Variants in CHST8 observed in about 807,000 individuals in gnomAD.
CHST8 encodes carbohydrate sulfotransferase 8.
Under a neutral mutation model 15.0 loss-of-function variants are expected in CHST8, and 10 were observed. The observed-to-expected ratio is 0.67, with a 90% confidence interval of 0.41 to 1.13. CHST8 has a LOEUF of 1.13. Among genes scored for constraint, CHST8 ranks in the 50% most tolerant of loss-of-function variants. The pLI is 0.00. For synonymous variants in CHST8, 259 were observed against 256.6 expected, an observed-to-expected ratio of 1.01 and a Z score of -0.09; for missense variants, 634 against 608.2, an observed-to-expected ratio of 1.04 and a Z score of -0.45.
At position 33,773,127 on chromosome 19, in the gene CHST8, C is replaced by T; in HGVS notation, c.*64C>T. 6.7e-7 allele frequency: 1 copy of T among 1,490,148 alleles called. No homozygotes were observed. The allele number at this position is 1,490,148 out of a possible 1,614,324, so 92.3% of individuals were successfully genotyped here. The stretch of plus-strand genomic sequence containing the variant: ...ACTCACCTGTGCTCCCGGGCATCCT[C>T]CTGTCCCTGGCTCCTCATCCTGGGA... On this transcript the variant is annotated 3_prime_UTR_variant, in exon 5 of 5. Transcript: ENST00000650847.
chr19:33,666,724 A>G (rs990466425), intron 1 of CHST8, among the ~76,000 whole-genome samples: 1 of 152,068 alleles, frequency 6.6e-6, no homozygotes, highest in Admixed American at 6.5e-5. Flanking sequence ...CTTTTTTGAG[A>G]TGGAGTCTTG....
intron 3 of CHST8, among the ~76,000 whole-genome samples, chr19:33,723,892 C>G (rs1047874205): frequency 1.3e-5 from 2 of 152,194 alleles, no homozygotes; most frequent in African/African-American, 4.8e-5. Context: ...GGATCCCATG[C>G]CCCTTCTGGT....
intron 3 of CHST8, among the ~76,000 whole-genome samples, chr19:33,754,627 G>C (rs1397698503): frequency 1.3e-5 from 2 of 152,226 alleles, no homozygotes; most frequent in Non-Finnish European, 2.9e-5. Context: ...CCAGGGTGCT[G>C]TGTGGCAGCC....
chr19:33,713,594 C>T (rs1333853533), intron 3 of CHST8, among the ~76,000 whole-genome samples: 1 of 152,008 alleles, frequency 6.6e-6, no homozygotes, highest in Non-Finnish European at 1.5e-5. Context: ...GAGACAGAGT[C>T]TTGCTCTGTT....
intron 1 of CHST8, among the ~76,000 whole-genome samples, chr19:33,657,195 A>G (rs898968640): frequency 2.6e-5 from 4 of 151,756 alleles, no homozygotes; most frequent in African/African-American, 9.7e-5. Context: ...ACATACACAC[A>G]TACATATACA....
At chr19:33,634,110 A>G (rs548047298) in intron 1 of CHST8, among the ~76,000 whole-genome samples, 1 of 151,908 alleles carries the variant, frequency 6.6e-6, no homozygotes, top group African/African-American at 2.4e-5. Flanking sequence ...ATGAGCCACC[A>G]CTCCCGACTC....
At chr19:33,656,758 C>T (rs980822535) in intron 1 of CHST8, among the ~76,000 whole-genome samples, 47 of 152,060 alleles carry the variant, frequency 3.1e-4, no homozygotes, top group Non-Finnish European at 4.9e-4. Context: ...AGGCTAGTCT[C>T]GAACTCCTGG....
At chr19:33,690,742 T>G (rs1003638853) in intron 3 of CHST8, among the ~76,000 whole-genome samples, 2 of 152,180 alleles carry the variant, frequency 1.3e-5, no homozygotes, top group Non-Finnish European at 2.9e-5. Context: ...GGCTCTCCTG[T>G]GGGAGCTTTG....
intron 3 of CHST8, among the ~76,000 whole-genome samples, chr19:33,717,306 C>A (rs1334759696): frequency 6.6e-6 from 1 of 151,920 alleles, no homozygotes; most frequent in Non-Finnish European, 1.5e-5. Context: ...AATAAAAATA[C>A]AAAAATTAGC....
chr19:33,638,531 C>G (rs1264012694), intron 1 of CHST8, among the ~76,000 whole-genome samples: 1 of 152,180 alleles, frequency 6.6e-6, no homozygotes, highest in African/African-American at 2.4e-5. Flanking sequence ...TGGCCGGCCA[C>G]AGTGCACAAC....
At chr19:33,705,359 T>C (rs981606016) in intron 3 of CHST8, among the ~76,000 whole-genome samples, 2 of 152,200 alleles carry the variant, frequency 1.3e-5, no homozygotes, top group Non-Finnish European at 2.9e-5. Context: ...CTGTTCACTG[T>C]TCAGGTCAGG....
At chr19:33,703,297 T>TG (rs1444936097) in intron 3 of CHST8, among the ~76,000 whole-genome samples, 1 of 152,136 alleles carries the variant, frequency 6.6e-6, no homozygotes, top group Admixed American at 6.5e-5. Context: ...AAGGGCCCGG[T>TG]GGGGTCCCAC....
chr19:33,626,238 G>A (rs1972052078), intron 1 of CHST8, among the ~76,000 whole-genome samples: 1 of 152,138 alleles, frequency 6.6e-6, no homozygotes, highest in African/African-American at 2.4e-5. Flanking sequence ...CTTTTACCCT[G>A]TACAAAACTA....
intron 1 of CHST8, among the ~76,000 whole-genome samples, chr19:33,665,995 G>A (rs888706614): frequency 3.3e-5 from 5 of 152,232 alleles, no homozygotes; most frequent in Admixed American, 6.5e-5. Flanking sequence ...CTCTGGCTCC[G>A]GGACGGGGTG....
At chr19:33,639,371 G>A (rs893563454) in intron 1 of CHST8, among the ~76,000 whole-genome samples, 2 of 152,138 alleles carry the variant, frequency 1.3e-5, no homozygotes, top group Non-Finnish European at 2.9e-5. Context: ...GGAGCCCAGG[G>A]GCAGGGGCAT....
intron 2 of CHST8, among the ~76,000 whole-genome samples, chr19:33,676,794 T>C (rs1219004092): frequency 6.6e-6 from 1 of 151,832 alleles, no homozygotes; most frequent in Non-Finnish European, 1.5e-5. Context: ...GGAGGACCAC[T>C]TGAGCCCAGG....
intron 1 of CHST8, among the ~76,000 whole-genome samples, chr19:33,630,794 G>GT (rs1462952371): frequency 6.6e-6 from 1 of 152,244 alleles, no homozygotes; most frequent in East Asian, 1.9e-4. Context: ...GGGGCAGGCA[G>GT]TCTGTCTACA....
At chr19:33,678,261 T>C (rs1466077547) in intron 2 of CHST8, among the ~76,000 whole-genome samples, 2 of 152,208 alleles carry the variant, frequency 1.3e-5, no homozygotes, top group South Asian at 4.1e-4. Context: ...CCATGCACAG[T>C]CACTCATTAG....
At chr19:33,655,449 T>C (rs1972500039) in intron 1 of CHST8, among the ~76,000 whole-genome samples, 1 of 152,218 alleles carries the variant, frequency 6.6e-6, no homozygotes, top group Non-Finnish European at 1.5e-5. Context: ...TTATGTGTTA[T>C]TCATAAAATT....
Sources: allele counts gnomAD v4.1 joint callset (sites outside exome capture counted in the v4.1 genomes callset), GRCh38; gene constraint gnomAD v4.1.1; transcripts MANE v1.5; gene names NCBI Gene and HGNC (gene_info 2026-07-23, HGNC 2026-07-21).